The following HIVEP3 variants were observed in gnomAD, a reference collection of about 807,000 sequenced individuals.
HIVEP3 encodes the protein transcription factor HIVEP3.
A neutral mutation model predicts 152.8 loss-of-function variants in HIVEP3; 49 were observed. That is an observed-to-expected ratio of 0.32 (90% CI 0.26 to 0.41). The LOEUF (loss-of-function observed/expected upper bound fraction) is 0.41. Among genes scored for constraint, HIVEP3 ranks in the 10% least tolerant of loss-of-function variants. The pLI is 1.00. For synonymous variants in HIVEP3, 1,269 were observed against 1,289.0 expected, an observed-to-expected ratio of 0.98 and a Z score of 0.33; for missense variants, 2,790 against 3,103.3, an observed-to-expected ratio of 0.90 and a Z score of 2.40.
At chr1:41,977,452 C>T (rs1645266408) in intron 1 of HIVEP3, among the ~76,000 whole-genome samples, 1 of 152,150 alleles carries the variant, frequency 6.6e-6, no homozygotes, top group African/African-American at 2.4e-5. Flanking sequence ...CTCTCAGCCT[C>T]AGGAGGTCCC....
chr1:41,834,603 C>T (rs544745995), intron 1 of HIVEP3, among the ~76,000 whole-genome samples: 2 of 152,214 alleles, frequency 1.3e-5, no homozygotes, highest in South Asian at 4.2e-4. Flanking sequence ...ATTAGAATTC[C>T]AATTGTGAGG....
chr1:41,826,509 G>A (rs1642808136), intron 1 of HIVEP3, among the ~76,000 whole-genome samples: 1 of 152,172 alleles, frequency 6.6e-6, no homozygotes, highest in Non-Finnish European at 1.5e-5. Flanking sequence ...TGCCTCCCAG[G>A]TTCAAGTGAT....
At chr1:41,984,925 A>G (rs942097763) in intron 1 of HIVEP3, among the ~76,000 whole-genome samples, 13 of 152,204 alleles carry the variant, frequency 8.5e-5, no homozygotes, top group Non-Finnish European at 1.0e-4. Flanking sequence ...AATGATTATA[A>G]ATTTTCACAG....
chr1:41,567,488 T>C (rs12071552), intron 5 of HIVEP3, among the ~76,000 whole-genome samples: 8 of 152,186 alleles, frequency 5.3e-5, no homozygotes, highest in African/African-American at 1.4e-4. Flanking sequence ...CCCCAGCCCA[T>C]TGGGCCATGC....
chr1:41,964,955 C>A (rs983898126), intron 1 of HIVEP3, among the ~76,000 whole-genome samples: 3 of 152,240 alleles, frequency 2.0e-5, no homozygotes, highest in African/African-American at 7.2e-5. Flanking sequence ...TGCCTCCTGA[C>A]TGGTGAGACC....
chr1:41,993,880 C>T (rs1645378965), intron 1 of HIVEP3, among the ~76,000 whole-genome samples: 1 of 151,682 alleles, frequency 6.6e-6, no homozygotes, highest in Non-Finnish European at 1.5e-5. Flanking sequence ...AATCATCATT[C>T]TCAATAAACT....
intron 2 of HIVEP3, among the ~76,000 whole-genome samples, chr1:41,689,206 T>A (rs895527507): frequency 3.9e-5 from 6 of 152,236 alleles, no homozygotes; most frequent in Non-Finnish European, 4.4e-5. Context: ...GGTAGAGTGG[T>A]TCTCTCTCTA....
At chr1:41,525,645 T>A (rs1311056768) in intron 5 of HIVEP3, among the ~76,000 whole-genome samples, 1 of 152,146 alleles carries the variant, frequency 6.6e-6, no homozygotes, top group African/African-American at 2.4e-5. Context: ...GGATGCAGGG[T>A]CCCAGCCACC....
intron 1 of HIVEP3, among the ~76,000 whole-genome samples, chr1:41,948,720 T>C (rs1405843138): frequency 4.0e-5 from 6 of 150,258 alleles, no homozygotes; most frequent in Non-Finnish European, 8.8e-5. Flanking sequence ...AAAATACTTT[T>C]GCCAGCAGCT....
chr1:41,715,438 G>A (rs1570381158), intron 1 of HIVEP3, among the ~76,000 whole-genome samples: 1 of 152,210 alleles, frequency 6.6e-6, no homozygotes, highest in Non-Finnish European at 1.5e-5. Flanking sequence ...AGCCTGGGGA[G>A]GGTGGGAAGA....
At chr1:42,010,238 T>C (rs1645485330) in intron 1 of HIVEP3, among the ~76,000 whole-genome samples, 2 of 152,232 alleles carry the variant, frequency 1.3e-5, no homozygotes, top group Non-Finnish European at 1.5e-5. Flanking sequence ...GTTTTATTTA[T>C]GTAAAAATCT....
intron 1 of HIVEP3, among the ~76,000 whole-genome samples, chr1:41,854,244 T>C (rs1310758944): frequency 6.6e-6 from 1 of 152,082 alleles, no homozygotes; most frequent in Non-Finnish European, 1.5e-5. Flanking sequence ...AGGACCTGCA[T>C]ACAGGGCCAC....
At chr1:41,529,448 A>ACCCCCC (rs1553221539) in intron 5 of HIVEP3, among the ~76,000 whole-genome samples, 18 of 75,444 alleles carry the variant, frequency 2.4e-4, no homozygotes, top group Non-Finnish European at 2.7e-4. Flanking sequence ...CTCACACCCC[A>ACCCCCC]CACCCTCACA....
chr1:41,589,281 G>C (rs1163465883), intron 3 of HIVEP3, among the ~76,000 whole-genome samples: 2 of 152,216 alleles, frequency 1.3e-5, no homozygotes, highest in African/African-American at 4.8e-5. Flanking sequence ...AGGCCAGTGA[G>C]AGCTCTCGCT....
At chr1:41,612,545 CAG>C (rs1173137963) in intron 3 of HIVEP3, among the ~76,000 whole-genome samples, 2 of 152,180 alleles carry the variant, frequency 1.3e-5, no homozygotes, top group East Asian at 1.9e-4. Flanking sequence ...GATGAGGAAA[CAG>C]AGGTTCAGAG....
intron 2 of HIVEP3, among the ~76,000 whole-genome samples, chr1:41,666,648 A>C (rs1421260798): frequency 6.6e-6 from 1 of 152,136 alleles, no homozygotes; most frequent in Non-Finnish European, 1.5e-5. Flanking sequence ...GCCCGAAGCC[A>C]GAAGCCCTTC....
chr1:41,555,345 A>T (rs1198050607), intron 5 of HIVEP3, among the ~76,000 whole-genome samples: 1 of 152,128 alleles, frequency 6.6e-6, no homozygotes, highest in Non-Finnish European at 1.5e-5. Context: ...TGCTAAGACC[A>T]TTGGAAAAGC....
chr1:41,935,492 G>T (rs1210380538), intron 1 of HIVEP3, among the ~76,000 whole-genome samples: 1 of 151,978 alleles, frequency 6.6e-6, no homozygotes, highest in Non-Finnish European at 1.5e-5. Flanking sequence ...AGCCACAAGG[G>T]CATTCAGTTT....
chr1:41,765,450 A>T (rs1198314606), intron 1 of HIVEP3, among the ~76,000 whole-genome samples: 2 of 152,184 alleles, frequency 1.3e-5, no homozygotes, highest in Non-Finnish European at 2.9e-5. Context: ...AGTCAGCCAG[A>T]TGTCAACATC....
Sources: gnomAD v4.1 joint callset for allele counts (sites outside exome capture counted in the v4.1 genomes callset) on GRCh38, gnomAD v4.1.1 for gene constraint, MANE v1.5 for transcripts, NCBI Gene and HGNC (gene_info 2026-07-23, HGNC 2026-07-21) for gene names.